Variants in PINX1 observed in about 807,000 individuals in gnomAD.
The protein encoded by PINX1 is PIN2 (TERF1) interacting telomerase inhibitor 1, also known as PIN2/TERF1-interacting telomerase inhibitor 1.
In PINX1, 34 loss-of-function variants were observed where a neutral mutation model predicts 25.4. The observed-to-expected ratio is 1.34, with a 90% confidence interval of 1.02 to 1.78. The LOEUF is 1.78. Among genes scored for constraint, PINX1 ranks in the 40% most tolerant of loss-of-function variants. The pLI is 0.00. For missense variants in PINX1, 592 were observed against 404.9 expected (o/e 1.46, Z -3.97); for synonymous variants, 197 against 147.7 (o/e 1.33, Z -2.42).
chr8:10,793,230 G>C (rs1255223808), intron 6 of PINX1, among the ~76,000 whole-genome samples: 4 of 152,132 alleles, frequency 2.6e-5, no homozygotes, highest in Admixed American at 2.0e-4. Flanking sequence ...ATTTTAACAA[G>C]CATATTATCT....
At chr8:10,776,945 G>C (rs1188827142) in intron 6 of PINX1, among the ~76,000 whole-genome samples, 5 of 152,216 alleles carry the variant, frequency 3.3e-5, no homozygotes, top group African/African-American at 1.2e-4. Context: ...TTCCTGGCAA[G>C]AGAGAAGGAC....
At chr8:10,816,021 C>G (rs564597382) in intron 6 of PINX1, among the ~76,000 whole-genome samples, 4 of 152,320 alleles carry the variant, frequency 2.6e-5, no homozygotes, top group African/African-American at 7.2e-5. Context: ...CACTCCTAAT[C>G]AGACGATTCT....
intron 6 of PINX1, among the ~76,000 whole-genome samples, chr8:10,814,248 G>A (rs1463859647): frequency 1.3e-5 from 2 of 152,174 alleles, no homozygotes; most frequent in Admixed American, 6.5e-5. Flanking sequence ...GCAACCAGCC[G>A]TCCCCACACA....
chr8:10,800,017 C>T (rs1210687902), intron 6 of PINX1, among the ~76,000 whole-genome samples: 1 of 152,202 alleles, frequency 6.6e-6, no homozygotes, highest in Non-Finnish European at 1.5e-5. Context: ...GACTGCGATC[C>T]AGGTCTGCGT....
At chr8:10,776,595 G>T (rs960478091) in intron 6 of PINX1, among the ~76,000 whole-genome samples, 3 of 152,082 alleles carry the variant, frequency 2.0e-5, no homozygotes, top group African/African-American at 7.2e-5. Flanking sequence ...TGGTAACACA[G>T]AATCAAAACT....
chr8:10,828,740 T>C (rs1217215593), intron 4 of PINX1, among the ~76,000 whole-genome samples: 1 of 152,150 alleles, frequency 6.6e-6, no homozygotes, highest in Non-Finnish European at 1.5e-5. Flanking sequence ...GGAGTCTGAC[T>C]TATGCACCAA....
In PINX1 at chr8:10,765,993, C is replaced by G. The variant is rs530663665; in HGVS notation, c.472-77G>C. 94 of 1,442,560 alleles carry G rather than the reference C, an allele frequency of 6.5e-5. 1 individual carries two copies. The South Asian group carries it at 1.2e-3, about 18-fold the overall frequency. 89.4% of individuals were successfully genotyped at this position (1,442,560 alleles called of 1,614,324 possible). On this transcript the variant is annotated intron_variant, in intron 6 of 6. Coordinates refer to ENST00000314787, the MANE Select transcript of PINX1 (RefSeq NM_017884.6). ...TCACCGCACCCAGGAGGCACCCACA[C>G]CCGGCGCTCACACCTGGCACCCACA...
intron 6 of PINX1, among the ~76,000 whole-genome samples, chr8:10,818,607 G>T (rs1235851804): frequency 6.6e-6 from 1 of 152,182 alleles, no homozygotes; most frequent in African/African-American, 2.4e-5. Context: ...GTGAGCAGCA[G>T]GCAGAAGAGA....
chr8:10,779,528 CA>C (rs1253381180), intron 6 of PINX1, among the ~76,000 whole-genome samples: 2 of 152,124 alleles, frequency 1.3e-5, no homozygotes, highest in African/African-American at 4.8e-5. Context: ...ACACCCAAAA[CA>C]AACCCTCTGA....
intron 6 of PINX1, among the ~76,000 whole-genome samples, chr8:10,766,123 G>T (rs891556): frequency 3.9e-5 from 6 of 151,934 alleles, no homozygotes; most frequent in African/African-American, 1.4e-4. Flanking sequence ...ACTGCAGGCC[G>T]GGAGCAAGGC....
intron 4 of PINX1, among the ~76,000 whole-genome samples, chr8:10,827,666 G>A (rs1798097512): frequency 6.6e-6 from 1 of 151,816 alleles, no homozygotes; most frequent in Admixed American, 6.6e-5. Context: ...CAGCACTTTG[G>A]TAGGCCGCAG....
intron 6 of PINX1, among the ~76,000 whole-genome samples, chr8:10,780,659 G>C (rs1427310888): frequency 1.3e-5 from 2 of 151,848 alleles, no homozygotes; most frequent in African/African-American, 4.8e-5. Context: ...TTTAACATAG[G>C]AGGTAAAAGA....
intron 6 of PINX1, among the ~76,000 whole-genome samples, chr8:10,772,291 T>A (rs990754320): frequency 6.6e-6 from 1 of 152,188 alleles, no homozygotes; most frequent in Non-Finnish European, 1.5e-5. Flanking sequence ...GAAAACAACC[T>A]GGGCAAGCTG....
At chr8:10,794,007 A>T (rs1032614790) in intron 6 of PINX1, among the ~76,000 whole-genome samples, 25 of 152,346 alleles carry the variant, frequency 1.6e-4, no homozygotes, top group African/African-American at 6.0e-4. Flanking sequence ...GTGAGAAGAT[A>T]ACTACATTCA....
chr8:10,812,178 T>C (rs1328504459), intron 6 of PINX1, among the ~76,000 whole-genome samples: 1 of 152,226 alleles, frequency 6.6e-6, no homozygotes, highest in Non-Finnish European at 1.5e-5. Flanking sequence ...ATTTGATCTC[T>C]TGTTTGGACA....
intron 6 of PINX1, among the ~76,000 whole-genome samples, chr8:10,807,341 C>A (rs1423184922): frequency 9.4e-6 from 1 of 106,186 alleles, no homozygotes; most frequent in Non-Finnish European, 1.8e-5. Context: ...CCCCCCCCAC[C>A]AAAGTAGAAC....
chr8:10,785,934 G>C (rs563101065), intron 6 of PINX1, among the ~76,000 whole-genome samples: 1 of 152,312 alleles, frequency 6.6e-6, no homozygotes, highest in East Asian at 1.9e-4. Context: ...AAAGATGGAA[G>C]GATTAGCTAC....
intron 6 of PINX1, among the ~76,000 whole-genome samples, chr8:10,789,332 T>C (rs910211465): frequency 6.6e-6 from 1 of 152,206 alleles, no homozygotes. Flanking sequence ...GTTTAAGGTG[T>C]GCCATGTGAT....
At chr8:10,820,405 A>G (rs1309005417) in intron 5 of PINX1, 136 bp from the exon 6 acceptor site, 1 of 695,044 alleles carries the variant, frequency 1.4e-6, no homozygotes, top group Non-Finnish European at 2.6e-6. Flanking sequence ...CTGACTTTCT[A>G]CCCACTTTTT....
Sources: gnomAD v4.1 joint callset for allele counts (sites outside exome capture counted in the v4.1 genomes callset) on GRCh38, gnomAD v4.1.1 for gene constraint, MANE v1.5 for transcripts, NCBI Gene and HGNC (gene_info 2026-07-23, HGNC 2026-07-21) for gene names.